Variants in DGKH observed in about 807,000 individuals in gnomAD.
DGKH encodes the protein DAG kinase eta.
A neutral mutation model predicts 159.3 loss-of-function variants in DGKH; 90 were observed. The ratio of observed to expected loss-of-function variants is 0.57; its 90% CI spans 0.48 to 0.67. The LOEUF (loss-of-function observed/expected upper bound fraction) is 0.67, where lower values mean the gene tolerates loss of function less well. Among genes scored for constraint, DGKH ranks in the 30% least tolerant of loss-of-function variants. DGKH has a pLI of 0.00. For synonymous variants in DGKH, 536 were observed against 553.8 expected (o/e 0.97, Z 0.45); for missense variants, 1,181 against 1,506.1 (o/e 0.78, Z 3.57).
intron 3 of DGKH, among the ~76,000 whole-genome samples, chr13:42,154,170 G>C (rs1955983823): frequency 6.6e-6 from 1 of 152,126 alleles, no homozygotes; most frequent in Non-Finnish European, 1.5e-5. Context: ...TGTGAAATCT[G>C]CTCTATAATC....
At chr13:42,219,427 A>G (rs1957907173) in intron 27 of DGKH, 78 bp downstream of exon 27, 5 of 1,543,080 alleles carry the variant, frequency 3.2e-6, no homozygotes, top group African/African-American at 2.8e-5. Context: ...TGAAAAAGAG[A>G]TATTTAGGGA....
chr13:42,082,231 A>G (rs1003939229), intron 1 of DGKH, among the ~76,000 whole-genome samples: 2 of 151,904 alleles, frequency 1.3e-5, no homozygotes, highest in Admixed American at 6.6e-5. Flanking sequence ...ACACTTGTCT[A>G]CCTTGCTCAG....
At chr13:42,252,053 CA>C (rs2138339724) in intron 29 of DGKH, among the ~76,000 whole-genome samples, 1 of 151,834 alleles carries the variant, frequency 6.6e-6, no homozygotes, top group African/African-American at 2.4e-5. Flanking sequence ...TCTGTGGTCA[CA>C]AGTGATATTA....
intron 16 of DGKH, among the ~76,000 whole-genome samples, chr13:42,193,621 A>G (rs1957136499): frequency 6.6e-6 from 1 of 152,240 alleles, no homozygotes; most frequent in Admixed American, 6.5e-5. Flanking sequence ...GTAATGGAAC[A>G]TCAGTCTTAG....
chr13:42,157,329 C>T (rs899026436), intron 5 of DGKH, among the ~76,000 whole-genome samples: 2 of 152,100 alleles, frequency 1.3e-5, no homozygotes, highest in African/African-American at 2.4e-5. Context: ...ACATCTGAGA[C>T]ACTCTGTGGT....
At position 42,194,820 on chromosome 13, in the gene DGKH, T is replaced by C. The variant is rs1594184546; in HGVS notation, c.2036-65T>C. The C allele has an allele frequency of 4.0e-6, 6 of 1,516,910 alleles. No homozygotes were observed. In the East Asian group the frequency reaches 9.2e-5, roughly 23 times the overall value. The allele number at this position is 1,516,910 out of a possible 1,614,324, so 94.0% of individuals were successfully genotyped here. The stretch of plus-strand genomic sequence containing the variant: ...AACATTATTTTATGTTTTAAATTTA[T>C]AGGAACGTGCTTATTTTTATAGCTT... On this transcript the variant is annotated intron_variant, in intron 16 of 29. Coordinates refer to ENST00000337343, the MANE Select transcript of DGKH (RefSeq NM_178009.5).
intron 7 of DGKH, 37 bp downstream of exon 7, chr13:42,160,173 G>A (rs773635598): frequency 5.0e-6 from 8 of 1,613,076 alleles, no homozygotes; most frequent in Non-Finnish European, 6.8e-6. Context: ...TTTTTAATTA[G>A]CTTCTTTCCC....
intron 25 of DGKH, among the ~76,000 whole-genome samples, chr13:42,214,961 C>T (rs1345258168): frequency 6.6e-6 from 1 of 152,056 alleles, no homozygotes; most frequent in African/African-American, 2.4e-5. Flanking sequence ...ATATCATCAG[C>T]GTGCATTTTG....
intron 1 of DGKH, chr13:42,068,839 A>T (rs1882767479): frequency 1.7e-6 from 1 of 581,286 alleles, no homozygotes; most frequent in Non-Finnish European, 2.8e-6. Context: ...AAATGACACC[A>T]TCTGATTCAA....
At chr13:42,165,284 A>ATTTTTAT in intron 7 of DGKH, 47 bp from the exon 8 acceptor site, 1 of 1,044,834 alleles carries the variant, frequency 9.6e-7, no homozygotes, top group Non-Finnish European at 1.4e-6. Flanking sequence ...TTATAATGGC[A>ATTTTTAT]GAACATTATT....
rs934171096 is a variant in DGKH at position 42,053,746 on chromosome 13, G to A, written c.192+4781G>A. On this transcript the variant is annotated intron_variant, in intron 1 of 29. Transcript: ENST00000337343. Reference sequence around the variant, plus strand: ...CAATTCTCCTGTCTCAGCCTCCTGAGTTGCTGGGACTACAGGCGCATGCCA... The same window carrying A: ...CAATTCTCCTGTCTCAGCCTCCTGAATTGCTGGGACTACAGGCGCATGCCA... 5.3e-5 allele frequency among the ~76,000 whole-genome samples: 8 copies of A among 151,908 alleles called. 1 individual carries two copies. In the East Asian group the frequency reaches 1.4e-3, roughly 26 times the overall value.
chr13:42,085,132 A>G (rs2137729833), intron 1 of DGKH, among the ~76,000 whole-genome samples: 1 of 152,328 alleles, frequency 6.6e-6, no homozygotes, highest in South Asian at 2.1e-4. Context: ...ATATAAAAAC[A>G]GCTGAGACAT....
At chr13:42,093,596 T>C (rs893542819) in intron 1 of DGKH, among the ~76,000 whole-genome samples, 4 of 152,132 alleles carry the variant, frequency 2.6e-5, no homozygotes, top group Non-Finnish European at 1.5e-5. Context: ...AGCCAAAAGG[T>C]ATAAACAACG....
chr13:42,134,691 G>T (rs1955363997), intron 3 of DGKH, among the ~76,000 whole-genome samples: 1 of 152,056 alleles, frequency 6.6e-6, no homozygotes, highest in African/African-American at 2.4e-5. Context: ...CCAACATGGT[G>T]AAACCCTGTC....
intron 3 of DGKH, among the ~76,000 whole-genome samples, chr13:42,141,570 C>T (rs535091207): frequency 3.3e-5 from 5 of 152,250 alleles, no homozygotes; most frequent in South Asian, 2.1e-4. Context: ...CTGTTGTTTC[C>T]TGCCTTTTAA....
At chr13:42,098,600 T>G (rs1288429104) in intron 1 of DGKH, among the ~76,000 whole-genome samples, 3 of 152,256 alleles carry the variant, frequency 2.0e-5, no homozygotes, top group Non-Finnish European at 4.4e-5. Flanking sequence ...AGAAGATTCT[T>G]AAGTATATGA....
At chr13:42,083,473 G>A (rs1954246792) in intron 1 of DGKH, among the ~76,000 whole-genome samples, 1 of 152,204 alleles carries the variant, frequency 6.6e-6, no homozygotes, top group African/African-American at 2.4e-5. Context: ...TTATACAAAT[G>A]CAAGTTTGGG....
At position 42,237,866 on chromosome 13, in the gene DGKH, C is replaced by G. The variant is rs1958448816; in HGVS notation, c.*8678C>G. ...GTGGATCAGACCATACCCTGCAGACCAAGGAGATTTTCTTAAACTTGCTAA... is the reference window on the plus strand; with the variant it reads ...GTGGATCAGACCATACCCTGCAGACGAAGGAGATTTTCTTAAACTTGCTAA... On this transcript the variant is annotated 3_prime_UTR_variant, in exon 30 of 30. Transcript: ENST00000337343. The G allele has an allele frequency of 6.6e-6, 1 of 152,192 alleles. No homozygotes were observed. Among genetic ancestry groups the G allele is most frequent in the Admixed American group, 6.5e-5 (1 of 15,286 alleles). 9.4% of individuals were successfully genotyped at this position (152,192 alleles called of 1,614,324 possible). A position where few individuals can be genotyped will look rare whatever the true frequency, so the allele number is the denominator to read the frequency against.
chr13:42,053,597 T>C (rs557387353), intron 1 of DGKH, among the ~76,000 whole-genome samples: 1 of 97,294 alleles, frequency 1.0e-5, no homozygotes, highest in Non-Finnish European at 2.1e-5. Context: ...ACTATATATA[T>C]GTATATATAT....
Sources: allele counts gnomAD v4.1 joint callset (sites outside exome capture counted in the v4.1 genomes callset), GRCh38; gene constraint gnomAD v4.1.1; transcripts MANE v1.5; gene names NCBI Gene and HGNC (gene_info 2026-07-23, HGNC 2026-07-21).